Variants in ABCB11 observed in about 807,000 individuals in gnomAD.
The protein encoded by ABCB11 is ATP binding cassette subfamily B member 11.
A neutral mutation model predicts 148.0 loss-of-function variants in ABCB11; 95 were observed. That is an observed-to-expected ratio of 0.64 (90% CI 0.54 to 0.76). The LOEUF (loss-of-function observed/expected upper bound fraction) is 0.76. ABCB11 is among the 30% of genes least tolerant of loss of function. ABCB11 has a pLI of 0.00. For missense variants in ABCB11, 1,523 were observed against 1,617.8 expected (o/e 0.94, Z 1.01); for synonymous variants, 591 against 555.4 (o/e 1.06, Z -0.90).
intron 21 of ABCB11, among the ~76,000 whole-genome samples, chr2:168,940,074 A>G (rs1691996237): frequency 6.6e-6 from 1 of 152,002 alleles, no homozygotes; most frequent in Non-Finnish European, 1.5e-5. Flanking sequence ...CTGAGACACA[A>G]TAATATTGAA....
chr2:168,993,420 T>C (rs1694606611), intron 8 of ABCB11, among the ~76,000 whole-genome samples: 1 of 152,078 alleles, frequency 6.6e-6, no homozygotes. Flanking sequence ...TATAAGATTG[T>C]TGTAAAGATT....
chr2:168,984,101 A>G (rs1024171437), intron 10 of ABCB11, among the ~76,000 whole-genome samples: 1 of 152,150 alleles, frequency 6.6e-6, no homozygotes, highest in Non-Finnish European at 1.5e-5. Flanking sequence ...AATTCAAACA[A>G]TGATCAGAGT....
intron 16 of ABCB11, among the ~76,000 whole-genome samples, 159 bp from the exon 17 acceptor site, chr2:168,968,649 T>G (rs1693423069): frequency 6.6e-6 from 1 of 151,970 alleles, no homozygotes; most frequent in Admixed American, 6.6e-5. Context: ...GGACTTGTCC[T>G]GCAGATTCTA....
At chr2:169,013,161 T>C (rs1695239051) in intron 5 of ABCB11, 111 bp downstream of exon 5, 1 of 747,660 alleles carries the variant, frequency 1.3e-6, no homozygotes, top group Non-Finnish European at 2.2e-6. Context: ...TTCTATTCTC[T>C]TTGTGTTAGA....
chr2:168,987,454 G>T (rs1446960377), intron 9 of ABCB11, among the ~76,000 whole-genome samples: 1 of 151,984 alleles, frequency 6.6e-6, no homozygotes, highest in African/African-American at 2.4e-5. Flanking sequence ...TTTGAGACAG[G>T]GTCTCACTCC....
rs372886308 is a variant in ABCB11, at chr2:168,923,740, G to A, written c.3848C>T (p.Ala1283Val). 6.8e-5 allele frequency: 109 copies of A among 1,613,642 alleles called. No homozygotes were observed. The highest frequency in any genetic ancestry group is 1.3e-4 in the South Asian group (12 of 91,082). Residue 1283 changes from alanine (A) to valine (V), a missense_variant, in exon 28 of 28, where the codon GCG becomes GTG. Physicochemically the swap from Ala to Val is moderately conservative, Grantham distance 64. Transcript: ENST00000650372. ...CTGTGCCATGACAGCAATGATATCC[G>A]CGTTCTGGATGGTGGACAAGCGATG... ...IAHRLSTIQN[A>V]DIIAVMAQGV...
rs760220974 is a variant in ABCB11, at chr2:168,958,118, A to C, written c.2189T>G (p.Ile730Ser). ...TYEEDRKDKD[I>S]PVQEEVEPAP... The stretch of plus-strand genomic sequence containing the variant: ...AGGTTCAACTTCTTCCTGCACAGGA[A>C]TGTCCTTGTCCTTGAGCAGAGAGAG... The change falls in exon 19 of 28, where the codon ATT becomes AGT. Residue 730 changes from isoleucine to serine, a missense_variant. Ile to Ser is a moderately radical substitution (Grantham distance 142). Transcript: ENST00000650372. The C allele has an allele frequency of 6.8e-6, 11 of 1,610,816 alleles. No individual in the cohort carries two copies. The highest frequency in any genetic ancestry group is 9.3e-6 in the Non-Finnish European group (11 of 1,177,972).
downstream of ABCB11, among the ~76,000 whole-genome samples, chr2:168,918,348 C>A (rs1420213839): frequency 6.6e-6 from 1 of 152,200 alleles, no homozygotes; most frequent in Non-Finnish European, 1.5e-5. Flanking sequence ...GCAGGGAGTT[C>A]TGGTCACACA....
At chr2:168,925,679 A>G (rs1419947579) in intron 26 of ABCB11, among the ~76,000 whole-genome samples, 2 of 152,126 alleles carry the variant, frequency 1.3e-5, no homozygotes, top group African/African-American at 4.8e-5. Flanking sequence ...GCCTTCCACA[A>G]CACGAGCTGT....
At chr2:168,943,198 G>A (rs1290210031) in intron 21 of ABCB11, among the ~76,000 whole-genome samples, 1 of 151,874 alleles carries the variant, frequency 6.6e-6, no homozygotes, top group African/African-American at 2.4e-5. Context: ...ATAAGATTAT[G>A]ACTTATTTAT....
intron 5 of ABCB11, among the ~76,000 whole-genome samples, chr2:169,000,935 T>A (rs1694851850): frequency 6.6e-6 from 1 of 152,158 alleles, no homozygotes; most frequent in Non-Finnish European, 1.5e-5. Context: ...CTTGAACATT[T>A]TTTTAGAATT....
At position 168,932,765 on chromosome 2, in the gene ABCB11, G is replaced by C. The variant is rs115155879; in HGVS notation, c.3057-232C>G. On this transcript the variant is annotated intron_variant, in intron 23 of 27. Coordinates refer to ENST00000650372, the MANE Select transcript of ABCB11 (RefSeq NM_003742.4). ...AGAAGAGGACTGAACAAGCATGAAG[G>C]GGGGAGAGCTCAGACCTCCAAACCT... Among the ~76,000 whole-genome samples the C allele has an allele frequency of 8.5e-5, 13 of 152,244 alleles. No homozygotes were observed. The South Asian group carries it at 1.0e-3, about 12-fold the overall frequency.
chr2:168,936,959 G>A (rs950712442), intron 21 of ABCB11, among the ~76,000 whole-genome samples: 2 of 151,998 alleles, frequency 1.3e-5, no homozygotes, highest in African/African-American at 4.8e-5. Flanking sequence ...CATAATTATG[G>A]CTCACTGTAG....
chr2:168,931,930 T>C (rs970174092), intron 24 of ABCB11, among the ~76,000 whole-genome samples: 5 of 152,210 alleles, frequency 3.3e-5, no homozygotes, highest in African/African-American at 7.2e-5. Context: ...AGTGGTATTG[T>C]ATGGCCATCC....
At position 168,936,276 on chromosome 2, in the gene ABCB11, G is replaced by A. The variant is rs199514789; in HGVS notation, c.2768C>T (p.Thr923Ile). 42 of 1,613,920 alleles carry A rather than the reference G, an allele frequency of 2.6e-5. No individual in the cohort carries two copies. In the African/African-American group the frequency reaches 4.5e-4, roughly 17 times the overall value. ...CTGCTTATCTCGAGAGGCAAATCCTGTCAACATCCTGGTCTGTGTGGCTCC... is the reference window on the plus strand; with the variant it reads ...CTGCTTATCTCGAGAGGCAAATCCTATCAACATCCTGGTCTGTGTGGCTCC... ...LSGATQTRML[T>I]GFASRDKQAL... is the part of the protein sequence containing the mutation. The change falls in exon 22 of 28, where the codon ACA (threonine) becomes ATA (isoleucine). Residue 923 changes from threonine (T) to isoleucine (I), a missense_variant. By Grantham distance (89) the Thr-to-Ile change is moderately conservative. Transcript: ENST00000650372.
chr2:168,915,560 G>A (rs780252587), exon 3 of ABCB11, among the ~76,000 whole-genome samples: 1 of 152,170 alleles, frequency 6.6e-6, no homozygotes, highest in African/African-American at 2.4e-5. Context: ...TAACAAGATG[G>A]GTGAAGGCAG....
chr2:169,021,812 C>G (rs917233429), intron 1 of ABCB11, among the ~76,000 whole-genome samples: 1 of 151,906 alleles, frequency 6.6e-6, no homozygotes, highest in African/African-American at 2.4e-5. Flanking sequence ...GAACCTGCAA[C>G]CAAGACATTT....
At chr2:168,936,080 C>G in intron 22 of ABCB11, 150 bp downstream of exon 22, 1 of 709,140 alleles carries the variant, frequency 1.4e-6, no homozygotes, top group Non-Finnish European at 2.3e-6. Flanking sequence ...TTGCGCCAAG[C>G]ACGCATAGAA....
At chr2:169,017,065 T>C (rs1008164850) in intron 2 of ABCB11, among the ~76,000 whole-genome samples, 1 of 150,410 alleles carries the variant, frequency 6.6e-6, no homozygotes, top group Non-Finnish European at 1.5e-5. Flanking sequence ...CTACCTTTAC[T>C]CATTTATGGA....
Sources: allele counts gnomAD v4.1 joint callset (sites outside exome capture counted in the v4.1 genomes callset), GRCh38; gene constraint gnomAD v4.1.1; transcripts MANE v1.5; gene names NCBI Gene and HGNC (gene_info 2026-07-23, HGNC 2026-07-21).